Variants in PRUNE2 observed in about 807,000 individuals in gnomAD.
PRUNE2 encodes the protein prune homolog 2 with BCH domain.
PRUNE2 carries 164 observed loss-of-function variants against 252.0 expected under a neutral mutation model. The ratio of observed to expected loss-of-function variants is 0.65; its 90% CI spans 0.57 to 0.74. The LOEUF is 0.74. Among genes scored for constraint, PRUNE2 ranks in the 30% least tolerant of loss-of-function variants. The pLI is 0.00. For synonymous variants in PRUNE2, 1,292 were observed against 1,350.2 expected, an observed-to-expected ratio of 0.96 and a Z score of 0.94; for missense variants, 3,495 against 3,711.0, an observed-to-expected ratio of 0.94 and a Z score of 1.51.
intron 11 of PRUNE2, among the ~76,000 whole-genome samples, chr9:76,647,182 C>T (rs1012876047): frequency 6.6e-6 from 1 of 152,150 alleles, no homozygotes; most frequent in African/African-American, 2.4e-5. Flanking sequence ...TCTCAAAAAA[C>T]AAAAATTGTA....
At position 76,688,368 on chromosome 9, in the gene PRUNE2, G is replaced by A. The variant is rs117390810; in HGVS notation, c.8276+14969C>T. Reference sequence around the variant, plus strand: ...TGCAGTAAGTGTTGCTGCCCAAGTCGGCTCTGTCTTGTTCCATTGAGGAGA... The same window carrying A: ...TGCAGTAAGTGTTGCTGCCCAAGTCAGCTCTGTCTTGTTCCATTGAGGAGA... On this transcript the variant is annotated intron_variant, in intron 9 of 18. Transcript: ENST00000376718. Among the ~76,000 whole-genome samples, 80 of 152,248 alleles carry A rather than the reference G, an allele frequency of 5.3e-4. 2 individuals are homozygous for A. The East Asian group carries it at 0.013, about 25-fold the overall frequency.
chr9:76,713,426 A>G, intron 7 of PRUNE2, 137 bp downstream of exon 7: 1 of 541,718 alleles, frequency 1.8e-6, no homozygotes, highest in Non-Finnish European at 2.9e-6. Flanking sequence ...ATCATTTCCT[A>G]AAACTCAAAC....
chr9:76,884,988 A>T (rs1285914732), intron 1 of PRUNE2, among the ~76,000 whole-genome samples: 1 of 152,218 alleles, frequency 6.6e-6, no homozygotes, highest in African/African-American at 2.4e-5. Context: ...CAGTAAGAGG[A>T]AACAGAAACA....
At chr9:76,849,363 G>GT (rs2059832340) in intron 3 of PRUNE2, among the ~76,000 whole-genome samples, 1 of 152,136 alleles carries the variant, frequency 6.6e-6, no homozygotes, top group Admixed American at 6.5e-5. Context: ...ATAATCAAAT[G>GT]ACCTTCATAG....
intron 9 of PRUNE2, among the ~76,000 whole-genome samples, chr9:76,695,586 C>T (rs1275274114): frequency 3.9e-5 from 6 of 152,146 alleles, no homozygotes; most frequent in Non-Finnish European, 7.4e-5. Context: ...GATTTGGTAA[C>T]TTGAGAAAAG....
At chr9:76,847,408 C>T (rs2059726824) in intron 3 of PRUNE2, among the ~76,000 whole-genome samples, 1 of 151,210 alleles carries the variant, frequency 6.6e-6, no homozygotes, top group Non-Finnish European at 1.5e-5. Flanking sequence ...GAAAAATCCC[C>T]ATTGTATAAG....
At chr9:76,681,729 C>A (rs900299073) in intron 9 of PRUNE2, among the ~76,000 whole-genome samples, 1 of 152,136 alleles carries the variant, frequency 6.6e-6, no homozygotes, top group African/African-American at 2.4e-5. Flanking sequence ...ACCGCTCCCA[C>A]AAGGAGCTAT....
At chr9:76,832,589 T>C (rs1761972215) in intron 4 of PRUNE2, among the ~76,000 whole-genome samples, 1 of 152,078 alleles carries the variant, frequency 6.6e-6, no homozygotes. Context: ...AGTTGTGCTC[T>C]AAGGAAATTT....
At chr9:76,852,521 T>C (rs2060015918) in intron 2 of PRUNE2, among the ~76,000 whole-genome samples, 1 of 152,186 alleles carries the variant, frequency 6.6e-6, no homozygotes, top group African/African-American at 2.4e-5. Flanking sequence ...CTTACCAGAG[T>C]GAGAAGGATT....
chr9:76,711,201 G>A lies in PRUNE2; in HGVS notation c.1073C>T (p.Pro358Leu). The A allele has an allele frequency of 6.2e-7, 1 of 1,613,886 alleles. No individual in the cohort carries two copies. The highest frequency in any genetic ancestry group is 1.1e-5 in the South Asian group (1 of 91,060). ...VVKEVINRRC[P>L]EMVSNSRTSS... is the part of the protein sequence containing the mutation. The stretch of plus-strand genomic sequence containing the variant: ...TGTCCGGCTATTGGAGACCATCTCT[G>A]GACACCTCCTGTTGATGACTTCCTT... The change falls in exon 8 of 19, where the codon CCA becomes CTA. Residue 358 changes from proline to leucine, a missense_variant. By Grantham distance (98) the Pro-to-Leu change is moderately conservative. Coordinates refer to ENST00000376718, the MANE Select transcript of PRUNE2 (RefSeq NM_015225.3).
At chr9:76,691,965 C>T (rs2044790655) in intron 9 of PRUNE2, 1 of 670,712 alleles carries the variant, frequency 1.5e-6, no homozygotes, top group African/African-American at 1.8e-5. Context: ...CTCCCGTCTC[C>T]CCCGCCAACT....
At chr9:76,768,381 C>T (rs993707969) in intron 6 of PRUNE2, among the ~76,000 whole-genome samples, 2 of 151,972 alleles carry the variant, frequency 1.3e-5, no homozygotes, top group South Asian at 4.2e-4. Context: ...TTAGTAGTGA[C>T]GGGGGTTCAC....
intron 6 of PRUNE2, among the ~76,000 whole-genome samples, chr9:76,747,896 A>C (rs2050276178): frequency 6.6e-6 from 1 of 151,958 alleles, no homozygotes. Context: ...CCCGGGTTCA[A>C]GCAATTCTCC....
chr9:76,668,410 A>G (rs2040624597), intron 9 of PRUNE2, among the ~76,000 whole-genome samples: 1 of 152,194 alleles, frequency 6.6e-6, no homozygotes, highest in African/African-American at 2.4e-5. Context: ...ACTAAAATCT[A>G]ATCTAGTTTA....
intron 6 of PRUNE2, among the ~76,000 whole-genome samples, chr9:76,814,737 G>A (rs2057573864): frequency 6.6e-6 from 1 of 152,142 alleles, no homozygotes; most frequent in South Asian, 2.1e-4. Flanking sequence ...GTTGGGGGTG[G>A]GGGACTTAAT....
chr9:76,754,153 T>C (rs989499491), intron 6 of PRUNE2, among the ~76,000 whole-genome samples: 4 of 151,242 alleles, frequency 2.6e-5, no homozygotes, highest in Non-Finnish European at 5.9e-5. Context: ...CCCTTAAAAA[T>C]AAAAAAAATA....
intron 1 of PRUNE2, among the ~76,000 whole-genome samples, chr9:76,874,646 A>C (rs2061385804): frequency 6.6e-6 from 1 of 152,206 alleles, no homozygotes; most frequent in African/African-American, 2.4e-5. Flanking sequence ...CTTAATTTAG[A>C]ATTAACATTT....
At chr9:76,882,996 G>C (rs1039951281) in intron 1 of PRUNE2, among the ~76,000 whole-genome samples, 5 of 152,064 alleles carry the variant, frequency 3.3e-5, no homozygotes, top group African/African-American at 1.2e-4. Context: ...CCTCTTTCAG[G>C]CCTCAGTTTT....
At chr9:76,625,055 G>A (rs546730760) in intron 16 of PRUNE2, 22 of 1,302,616 alleles carry the variant, frequency 1.7e-5, no homozygotes, top group Middle Eastern at 4.3e-4. Context: ...TCTCTTCATC[G>A]TACCTTACAA....
Sources: allele counts gnomAD v4.1 joint callset (sites outside exome capture counted in the v4.1 genomes callset), GRCh38; gene constraint gnomAD v4.1.1; transcripts MANE v1.5; gene names NCBI Gene and HGNC (gene_info 2026-07-23, HGNC 2026-07-21).